Variants in ATP6V0A2 observed in about 807,000 individuals in gnomAD.
The protein encoded by ATP6V0A2 is V-type proton ATPase 116 kDa subunit a 2.
In ATP6V0A2, 58 loss-of-function variants were observed where a neutral mutation model predicts 104.4. That is an observed-to-expected ratio of 0.56 (90% CI 0.45 to 0.69). The LOEUF is 0.69. Ranked by LOEUF, ATP6V0A2 falls within the 30% of genes least tolerant of loss-of-function variation. The pLI is 0.00. For synonymous variants in ATP6V0A2, 376 were observed against 397.9 expected (o/e 0.95, Z 0.65); for missense variants, 938 against 1,062.9 (o/e 0.88, Z 1.63).
Position 123,733,906 on chromosome 12 carries a change from T to C in ATP6V0A2, c.649-20T>C, listed in dbSNP as rs1053805177. On this transcript the variant is annotated intron_variant, in intron 6 of 19. Transcript: ENST00000330342. ...TTTATACACGCAGAAATAACACTTATCCTTATTCATTCTTTGTAGGGGGAA... is the reference window on the plus strand; with the variant it reads ...TTTATACACGCAGAAATAACACTTACCCTTATTCATTCTTTGTAGGGGGAA... 4.4e-6 allele frequency: 7 copies of C among 1,574,322 alleles called. No homozygotes were observed. The African/African-American group carries it at 5.4e-5, about 12-fold the overall frequency.
intron 6 of ATP6V0A2, among the ~76,000 whole-genome samples, chr12:123,728,887 T>C (rs1419622720): frequency 6.6e-6 from 1 of 151,870 alleles, no homozygotes; most frequent in Non-Finnish European, 1.5e-5. Context: ...ACTTGATTAG[T>C]TCCATTACTG....
Position 123,758,143 on chromosome 12 carries a change from A to G in ATP6V0A2, c.*111A>G. 1 of 731,840 alleles carries G rather than the reference A, an allele frequency of 1.4e-6. No homozygotes were observed. Among genetic ancestry groups the G allele is most frequent in the Non-Finnish European group, 2.4e-6 (1 of 415,918 alleles). The allele number at this position is 731,840 out of a possible 1,614,324, so 45.3% of individuals were successfully genotyped here. Reference sequence around the variant, plus strand: ...AAAATTCCATCTTCATTACTGCCTTATGACATAGCCAAATAATTCTGTAAG... The same window carrying G: ...AAAATTCCATCTTCATTACTGCCTTGTGACATAGCCAAATAATTCTGTAAG... On this transcript the variant is annotated 3_prime_UTR_variant, in exon 20 of 20. Coordinates refer to ENST00000330342, the MANE Select transcript of ATP6V0A2 (RefSeq NM_012463.4).
intron 3 of ATP6V0A2, 98 bp from the exon 4 acceptor site, chr12:123,724,556 C>CA: frequency 2.4e-5 from 28 of 1,187,358 alleles, no homozygotes; most frequent in Non-Finnish European, 3.1e-5. Flanking sequence ...AAAAACAAAA[C>CA]AAAAAAACCC....
rs1956304190 is a variant in ATP6V0A2 at position 123,712,672 on chromosome 12, A to G, written c.107A>G (p.Gln36Arg). 2 of 1,609,948 alleles carry G rather than the reference A, an allele frequency of 1.2e-6. No homozygotes were observed. The highest frequency in any genetic ancestry group is 1.7e-5 in the Admixed American group (1 of 59,784). The change falls in exon 1 of 20, where the codon CAG (glutamine) becomes CGG (arginine). Residue 36 changes from glutamine to arginine, a missense_variant. Physicochemically the swap from Gln to Arg is conservative, Grantham distance 43. Transcript: ENST00000330342. ...LSALGEKGLV[Q>R]FRDLNQNVSS... The stretch of plus-strand genomic sequence containing the variant: ...GCCCTGGGCGAGAAAGGCCTGGTCC[A>G]GTTCCGAGACGTGAGTGTCGCCCGG...
intron 1 of ATP6V0A2, among the ~76,000 whole-genome samples, chr12:123,717,314 CAA>C (rs538974425): frequency 0.045 from 4,794 of 106,678 alleles, 155 homozygotes; most frequent in African/African-American, 0.12. Context: ...AACTCTGTCT[CAA>C]AAAAAAAAAA....
chr12:123,735,267 G>T (rs1450408901), intron 7 of ATP6V0A2, among the ~76,000 whole-genome samples: 3 of 152,032 alleles, frequency 2.0e-5, no homozygotes, highest in Non-Finnish European at 2.9e-5. Context: ...TAGGAAGCTG[G>T]AATTGGGAAT....
intron 2 of ATP6V0A2, among the ~76,000 whole-genome samples, chr12:123,720,130 G>C (rs1283541842): frequency 6.6e-6 from 1 of 152,152 alleles, no homozygotes; most frequent in Non-Finnish European, 1.5e-5. Flanking sequence ...TGGGATTACA[G>C]ATGTGAGCCA....
chr12:123,736,997 G>A, intron 8 of ATP6V0A2, 62 bp from the exon 9 acceptor site: 1 of 1,517,930 alleles, frequency 6.6e-7, no homozygotes, highest in African/African-American at 1.4e-5. Flanking sequence ...GAAGTCGGGT[G>A]CCAGGTGGAC....
chr12:123,749,994 T>A (rs1468266589), intron 15 of ATP6V0A2: 1 of 152,254 alleles, frequency 6.6e-6, no homozygotes, highest in East Asian at 1.9e-4. Flanking sequence ...TTTGAACTTT[T>A]TGTTTCTGTT....
intron 1 of ATP6V0A2, among the ~76,000 whole-genome samples, chr12:123,714,128 T>C (rs1042002735): frequency 1.3e-5 from 2 of 152,228 alleles, no homozygotes; most frequent in Non-Finnish European, 2.9e-5. Context: ...TTCCGGTTAG[T>C]ACTCAAGCCA....
Position 123,743,825 on chromosome 12 carries a change from T to C in ATP6V0A2, c.1079T>C (p.Ile360Thr), listed in dbSNP as rs753742915. The C allele has an allele frequency of 1.2e-6, 2 of 1,614,006 alleles. No individual in the cohort carries two copies. The highest frequency in any genetic ancestry group is 1.7e-6 in the Non-Finnish European group (2 of 1,179,986). Residue 360 changes from isoleucine to threonine, a missense_variant, in exon 10 of 20, where the codon ATC becomes ACC. Transcript: ENST00000330342. ...ACAATCCCCTCATTCATGAATATAA[T>C]CCCCACAAAAGAAACACCCCCCACT... ...GATIPSFMNI[I>T]PTKETPPTRI...
rs766993831 is a variant in ATP6V0A2, at chr12:123,752,376, G to A, written c.2149G>A (p.Gly717Arg). 4 of 1,614,112 alleles carry A rather than the reference G, an allele frequency of 2.5e-6. No homozygotes were observed. The Admixed American group carries it at 5.0e-5, about 20-fold the overall frequency. The change falls in exon 17 of 20, where the codon GGA becomes AGA. Residue 717 changes from glycine to arginine, a missense_variant. Gly to Arg is a moderately radical substitution (Grantham distance 125). Coordinates refer to ENST00000330342, the MANE Select transcript of ATP6V0A2 (RefSeq NM_012463.4). ...IEEGNHQVED[G>R]CREMACEEFN... Reference sequence around the variant, plus strand: ...AGAGGGAAATCACCAGGTGGAAGATGGATGTAGAGAAATGGCGTGTGAAGA... The same window carrying A: ...AGAGGGAAATCACCAGGTGGAAGATAGATGTAGAGAAATGGCGTGTGAAGA...
At chr12:123,746,614 T>C in intron 13 of ATP6V0A2, among the ~76,000 whole-genome samples, 1 of 127,214 alleles carries the variant, frequency 7.9e-6, no homozygotes, top group Non-Finnish European at 1.6e-5. Flanking sequence ...CTCTAGCCCC[T>C]GGGCAGCAGT....
intron 2 of ATP6V0A2, among the ~76,000 whole-genome samples, chr12:123,719,517 G>A (rs1047748946): frequency 2.6e-5 from 4 of 152,042 alleles, no homozygotes; most frequent in East Asian, 3.9e-4. Flanking sequence ...CGCCCTAGTA[G>A]CTGGGACTAT....
At chr12:123,755,449 T>C (rs1321318450) in intron 18 of ATP6V0A2, among the ~76,000 whole-genome samples, 3 of 150,858 alleles carry the variant, frequency 2.0e-5, no homozygotes, top group Non-Finnish European at 4.4e-5. Context: ...GGCAGGAGAA[T>C]TGATTGAACT....
Position 123,757,927 on chromosome 12 carries a change from G to C in ATP6V0A2, c.2466G>C (p.Trp822Cys). ...SAFLHAIRLH[W>C]VEFQNKFYVG... ...AATACATGGCTTTTTTTTTTTTTAG[G>C]GTAGAATTTCAGAACAAATTCTACG... Residue 822 changes from tryptophan (W) to cysteine (C), a missense_variant and splice_region_variant, in exon 20 of 20, where the codon TGG becomes TGC. Coordinates refer to ENST00000330342, the MANE Select transcript of ATP6V0A2 (RefSeq NM_012463.4). 1 of 1,555,698 alleles carries C rather than the reference G, an allele frequency of 6.4e-7. No individual in the cohort carries two copies. Among genetic ancestry groups the C allele is most frequent in the South Asian group, 1.2e-5 (1 of 85,168 alleles).
intron 3 of ATP6V0A2, chr12:123,723,298 G>T (rs1956417974): frequency 6.6e-6 from 1 of 152,184 alleles, no homozygotes; most frequent in South Asian, 2.1e-4. Context: ...TGCTTGTAAG[G>T]CAAAGCAGAA....
At chr12:123,745,053 T>C in intron 13 of ATP6V0A2, 81 bp downstream of exon 13, 1 of 1,374,710 alleles carries the variant, frequency 7.3e-7, no homozygotes, top group South Asian at 1.2e-5. Context: ...TTCTCTAGAC[T>C]GTTGAGCAGG....
At chr12:123,716,344 A>G (rs919211075) in intron 1 of ATP6V0A2, among the ~76,000 whole-genome samples, 1 of 152,190 alleles carries the variant, frequency 6.6e-6, no homozygotes. Context: ...TGGGATTACA[A>G]GCATGAGCCA....
Sources: gnomAD v4.1 joint callset for allele counts (sites outside exome capture counted in the v4.1 genomes callset) on GRCh38, gnomAD v4.1.1 for gene constraint, MANE v1.5 for transcripts, NCBI Gene and HGNC (gene_info 2026-07-23, HGNC 2026-07-21) for gene names.